ABCA13: variants seen among roughly 807,000 people sequenced by gnomAD.
The protein encoded by ABCA13 is ATP-binding cassette sub-family A member 13.
In ABCA13, 476 loss-of-function variants were observed where a neutral mutation model predicts 478.7. The ratio of observed to expected loss-of-function variants is 0.99; its 90% CI spans 0.92 to 1.07. The LOEUF is 1.07. Among genes scored for constraint, ABCA13 ranks in the 50% least tolerant of loss-of-function variants. The pLI is 0.00. For missense variants in ABCA13, 6,060 were observed against 5,910.6 expected (o/e 1.03, Z -0.83); for synonymous variants, 2,252 against 2,158.9 (o/e 1.04, Z -1.20).
rs778097924 is a variant in ABCA13 at position 48,281,401 on chromosome 7, A to T, written c.8785A>T (p.Met2929Leu). The stretch of plus-strand genomic sequence containing the variant: ...TGTGAAGCCCTCAGAAGCCATGGAG[A>T]TGCTGCAGAAAGTGAAGATGATGGT... ...QTVKPSEAMEMLQKVKMMVVR... is the reference protein window; with the variant it reads ...QTVKPSEAMELLQKVKMMVVR... The change falls in exon 19 of 62, where the codon ATG becomes TTG. Residue 2929 changes from methionine to leucine, a missense_variant. Transcript: ENST00000435803. The T allele has an allele frequency of 6.2e-7, 1 of 1,609,676 alleles. No homozygotes were observed. The highest frequency in any genetic ancestry group is 8.5e-7 in the Non-Finnish European group (1 of 1,178,064).
At position 48,177,608 on chromosome 7, in the gene ABCA13, G is replaced by T. The variant is rs142777894; in HGVS notation, c.69+6056G>T. On this transcript the variant is annotated intron_variant, in intron 1 of 61. Transcript: ENST00000435803. ...AGCCCTTGAACTATTCTCGTTTCCA[G>T]CACTTACACGGAGGTGACACATTTC... Among the ~76,000 whole-genome samples the T allele has an allele frequency of 7.0e-4, 107 of 152,338 alleles. 2 individuals carry two copies. In the East Asian group the frequency reaches 0.011, roughly 16 times the overall value.
Position 48,487,664 on chromosome 7 carries a change from A to AG in ABCA13, c.13183-1571dup, listed in dbSNP as rs552856420. 1.7e-3 allele frequency among the ~76,000 whole-genome samples: 265 copies of AG among 152,304 alleles called. 1 individual carries two copies. The highest frequency in any genetic ancestry group is 6.1e-3 in the African/African-American group (255 of 41,570). On this transcript the variant is annotated intron_variant, in intron 47 of 61. Transcript: ENST00000435803. ...GGAGAAGGAGGTCACAGACCAGGCT[A>AG]GTGGGAGGTTCCACTTTCCATAGGC...
chr7:48,314,166 A>G, intron 25 of ABCA13, 66 bp from the exon 26 acceptor site: 1 of 1,514,624 alleles, frequency 6.6e-7, no homozygotes. Context: ...CTAGACTTTC[A>G]GAAGTGTGTG....
At chr7:48,194,478 A>G (rs559678442) in intron 2 of ABCA13, among the ~76,000 whole-genome samples, 1 of 152,220 alleles carries the variant, frequency 6.6e-6, no homozygotes, top group South Asian at 2.1e-4. Context: ...TGATGCTCTG[A>G]TAAACTATTA....
chr7:48,400,932 T>C (rs182046411), intron 38 of ABCA13, among the ~76,000 whole-genome samples: 1 of 152,318 alleles, frequency 6.6e-6, no homozygotes, highest in East Asian at 1.9e-4. Context: ...ACAGACATAA[T>C]AAGTAAAGGG....
At chr7:48,451,819 A>G (rs1825075939) in intron 42 of ABCA13, among the ~76,000 whole-genome samples, 1 of 152,220 alleles carries the variant, frequency 6.6e-6, no homozygotes, top group South Asian at 2.1e-4. Flanking sequence ...CCAAGTGACC[A>G]AAAGAAAAAT....
chr7:48,523,462 A>G (rs974239418), intron 53 of ABCA13, among the ~76,000 whole-genome samples: 175 of 152,192 alleles, frequency 1.1e-3, no homozygotes, highest in African/African-American at 3.8e-3. Flanking sequence ...GCTTCTCCCA[A>G]TGATAATATA....
intron 27 of ABCA13, among the ~76,000 whole-genome samples, chr7:48,334,871 T>C: frequency 6.6e-6 from 1 of 152,232 alleles, no homozygotes; most frequent in East Asian, 1.9e-4. Flanking sequence ...TTATATTTTA[T>C]TTAAACTATT....
At chr7:48,317,595 C>T (rs1563038745) in intron 27 of ABCA13, among the ~76,000 whole-genome samples, 1 of 152,196 alleles carries the variant, frequency 6.6e-6, no homozygotes, top group South Asian at 2.1e-4. Flanking sequence ...GAGAGGAGGA[C>T]TGTTTGGAGT....
chr7:48,436,532 A>G (rs983518241), intron 42 of ABCA13, among the ~76,000 whole-genome samples: 6 of 151,614 alleles, frequency 4.0e-5, no homozygotes, highest in Non-Finnish European at 8.9e-5. Context: ...TCTCTGCTTT[A>G]GTATTTACTC....
At position 48,297,320 on chromosome 7, in the gene ABCA13, G is replaced by A. The variant is rs780477220; in HGVS notation, c.9199+9G>A. The stretch of plus-strand genomic sequence containing the variant: ...TTTCACAGTAACTGAGGGTAAGTAT[G>A]TGGTTTTCCAAGTTTGCTTGATTAA... On this transcript the variant is annotated intron_variant, in intron 22 of 61. Coordinates refer to ENST00000435803, the MANE Select transcript of ABCA13 (RefSeq NM_152701.5). The A allele has an allele frequency of 4.4e-6, 7 of 1,600,100 alleles. No homozygotes were observed. In the South Asian group the frequency reaches 5.7e-5, roughly 13 times the overall value.
At chr7:48,608,645 T>C (rs571474124) in intron 58 of ABCA13, among the ~76,000 whole-genome samples, 1 of 152,372 alleles carries the variant, frequency 6.6e-6, no homozygotes, top group South Asian at 2.1e-4. Context: ...CCTCTTCAGC[T>C]GGGGCAGAGA....
chr7:48,521,864 T>G (rs567084431), intron 53 of ABCA13, among the ~76,000 whole-genome samples: 1 of 152,298 alleles, frequency 6.6e-6, no homozygotes, highest in African/African-American at 2.4e-5. Context: ...CCTACTACCA[T>G]TTTATGGATA....
Position 48,387,896 on chromosome 7 carries a change from G to C in ABCA13, c.11410G>C (p.Glu3804Gln), listed in dbSNP as rs752325775. ...SYWKSVGFLVEKRQYFLSSSL... is the reference protein window; with the variant it reads ...SYWKSVGFLVQKRQYFLSSSL... ...TTGGAAGAGTGTGGGTTTCTTGGTG[G>C]AGAAAAGGCAATACTTTCTAAGTTC... The change falls in exon 36 of 62, where the codon GAG becomes CAG. Residue 3804 changes from glutamate to glutamine, a missense_variant. Transcript: ENST00000435803. The C allele has an allele frequency of 1.6e-5, 26 of 1,612,854 alleles. No individual in the cohort carries two copies. The Middle Eastern group carries it at 2.1e-3, about 133-fold the overall frequency.
At chr7:48,313,527 T>C (rs915094861) in intron 25 of ABCA13, among the ~76,000 whole-genome samples, 1 of 152,168 alleles carries the variant, frequency 6.6e-6, no homozygotes, top group Non-Finnish European at 1.5e-5. Context: ...ATTGCACAGA[T>C]GAGATTTCAA....
intron 20 of ABCA13, among the ~76,000 whole-genome samples, chr7:48,290,040 A>G (rs1229409109): frequency 2.6e-5 from 4 of 152,244 alleles, no homozygotes; most frequent in African/African-American, 7.2e-5. Flanking sequence ...TTTTAAATAT[A>G]GTTTTCTCAG....
chr7:48,637,381 C>CAAAAAAAAAAAAAAAAAAAAAA lies in ABCA13; in HGVS notation c.14838-5903_14838-5882dup, dbSNP rs1156643955. ...TGTTTTCTTTATTATGTTCATAAAGCAAAAAAAAAAAAAAAAAAAAAAAAA... is the reference window on the plus strand; with the variant it reads ...TGTTTTCTTTATTATGTTCATAAAGCAAAAAAAAAAAAAAAAAAAAAAAAAAAAAAAAAAAAAAAAAAAAAAA... On this transcript the variant is annotated intron_variant, in intron 59 of 61. Transcript: ENST00000435803. 9.9e-4 allele frequency among the ~76,000 whole-genome samples: 20 copies of CAAAAAAAAAAAAAAAAAAAAAA among 20,256 alleles called. 3 individuals are homozygous for CAAAAAAAAAAAAAAAAAAAAAA. Among genetic ancestry groups the CAAAAAAAAAAAAAAAAAAAAAA allele is most frequent in the East Asian group, 3.5e-3 (2 of 574 alleles). The allele number at this position is 20,256 out of a possible 152,430, so 13.3% of individuals were successfully genotyped here.
At chr7:48,572,395 C>T (rs1278426352) in intron 55 of ABCA13, among the ~76,000 whole-genome samples, 6 of 152,008 alleles carry the variant, frequency 3.9e-5, no homozygotes, top group Non-Finnish European at 1.5e-5. Flanking sequence ...CATAGCTCAC[C>T]ACAGCCTCAA....
chr7:48,348,679 T>G (rs1472332301), intron 29 of ABCA13, among the ~76,000 whole-genome samples: 1 of 152,248 alleles, frequency 6.6e-6, no homozygotes, highest in African/African-American at 2.4e-5. Context: ...GCTTTATGCC[T>G]TTTTTATATC....
Sources: gnomAD v4.1 joint callset for allele counts (sites outside exome capture counted in the v4.1 genomes callset) on GRCh38, gnomAD v4.1.1 for gene constraint, MANE v1.5 for transcripts, NCBI Gene and HGNC (gene_info 2026-07-23, HGNC 2026-07-21) for gene names.